The following EYA4 variants were observed in gnomAD, a reference collection of about 807,000 sequenced individuals.
EYA4 encodes EYA transcriptional coactivator and phosphatase 4, also known as protein phosphatase EYA4.
A neutral mutation model predicts 87.9 loss-of-function variants in EYA4; 31 were observed. That is an observed-to-expected ratio of 0.35 (90% CI 0.27 to 0.48). The LOEUF (loss-of-function observed/expected upper bound fraction) is 0.48. Among genes scored for constraint, EYA4 ranks in the 20% least tolerant of loss-of-function variants. EYA4 has a pLI of 0.99. For synonymous variants in EYA4, 263 were observed against 270.6 expected (o/e 0.97, Z 0.28); for missense variants, 678 against 761.4 (o/e 0.89, Z 1.29).
At chr6:133,265,964 A>T (rs1487391341) in intron 1 of EYA4, among the ~76,000 whole-genome samples, 3 of 152,216 alleles carry the variant, frequency 2.0e-5, no homozygotes, top group Non-Finnish European at 2.9e-5. Flanking sequence ...GACAATCAGT[A>T]TCTTTAATTT....
chr6:133,401,696 A>T (rs981349304), intron 3 of EYA4, among the ~76,000 whole-genome samples: 1 of 152,150 alleles, frequency 6.6e-6, no homozygotes, highest in Non-Finnish European at 1.5e-5. Flanking sequence ...TTTCTTGATG[A>T]CTAAATTAGA....
chr6:133,406,249 A>G (rs950987326), intron 3 of EYA4, among the ~76,000 whole-genome samples: 52 of 152,214 alleles, frequency 3.4e-4, no homozygotes, highest in Admixed American at 6.5e-5. Flanking sequence ...TTACGAAATA[A>G]TCAGAGATAA....
intron 13 of EYA4, among the ~76,000 whole-genome samples, chr6:133,493,600 C>T (rs182230064): frequency 8.0e-4 from 122 of 152,188 alleles, no homozygotes; most frequent in African/African-American, 2.8e-3. Context: ...AAATGGGAGG[C>T]ATCAAGTTAA....
In EYA4 at chr6:133,532,056, G is replaced by A. The variant is rs1282960773; in HGVS notation, c.*3251G>A. 8 of 152,266 alleles carry A rather than the reference G, an allele frequency of 5.3e-5. No homozygotes were observed. Among genetic ancestry groups the A allele is most frequent in the Admixed American group, 3.3e-4 (5 of 15,292 alleles). 9.4% of individuals were successfully genotyped at this position (152,266 alleles called of 1,614,324 possible). ...AAATGTAAATTAATATTAAAAGCTT[G>A]TAAAAATATGTATATCTTTACTATT... is the stretch of plus-strand genomic sequence containing the variant. On this transcript the variant is annotated 3_prime_UTR_variant, in exon 20 of 20. Coordinates refer to ENST00000355286, the MANE Select transcript of EYA4 (RefSeq NM_004100.5).
intron 3 of EYA4, among the ~76,000 whole-genome samples, chr6:133,420,625 A>G (rs1790138935): frequency 6.6e-6 from 1 of 152,216 alleles, no homozygotes; most frequent in Non-Finnish European, 1.5e-5. Context: ...ACCTTTGCTT[A>G]TATTATAACA....
intron 3 of EYA4, among the ~76,000 whole-genome samples, chr6:133,384,250 CT>C (rs1786506136): frequency 6.6e-6 from 1 of 152,044 alleles, no homozygotes; most frequent in South Asian, 2.1e-4. Flanking sequence ...TTAGGTCATT[CT>C]TTTTTATCTA....
At position 133,530,967 on chromosome 6, in the gene EYA4, T is replaced by G; in HGVS notation, c.*2162T>G. 7.9e-7 allele frequency: 1 copy of G among 1,261,232 alleles called. No homozygotes were observed. The highest frequency in any genetic ancestry group is 3.1e-5 in the East Asian group (1 of 32,400). 78.1% of individuals were successfully genotyped at this position (1,261,232 alleles called of 1,614,324 possible). ...TGTTGTGCACTAAAACCTTAAATATTTATTACTGTGAATAAAAACAAATTA... is the reference window on the plus strand; with the variant it reads ...TGTTGTGCACTAAAACCTTAAATATGTATTACTGTGAATAAAAACAAATTA... On this transcript the variant is annotated 3_prime_UTR_variant, in exon 20 of 20. Coordinates refer to ENST00000355286, the MANE Select transcript of EYA4 (RefSeq NM_004100.5).
chr6:133,434,533 C>T (rs996532212), intron 3 of EYA4, among the ~76,000 whole-genome samples: 3 of 152,060 alleles, frequency 2.0e-5, no homozygotes, highest in African/African-American at 7.2e-5. Context: ...TTATTATCTC[C>T]AATATTGAGA....
Position 133,344,933 on chromosome 6 carries a change from A to G in EYA4, c.34-37459A>G, listed in dbSNP as rs184072251. Among the ~76,000 whole-genome samples the G allele has an allele frequency of 3.3e-5, 5 of 152,298 alleles. No individual in the cohort carries two copies. In the East Asian group the frequency reaches 9.6e-4, roughly 29 times the overall value. ...TATTAGCTTATCTTCTAGAAATGCC[A>G]TTAATGCCTTGAGATTTTCTTCTCT... On this transcript the variant is annotated intron_variant, in intron 2 of 19. Transcript: ENST00000355286.
At chr6:133,367,005 T>C (rs1784901285) in intron 2 of EYA4, among the ~76,000 whole-genome samples, 1 of 152,216 alleles carries the variant, frequency 6.6e-6, no homozygotes, top group African/African-American at 2.4e-5. Flanking sequence ...GGAAGTTCTT[T>C]TAGTTAGTTT....
rs930075281 is a variant in EYA4, at chr6:133,404,030, T to C, written c.83+21589T>C. ...GGTTTCTCCATGTTGGTCAGGCTGG[T>C]CTCAAACTCCCGACCTCAGGTGATC... is the stretch of plus-strand genomic sequence containing the variant. On this transcript the variant is annotated intron_variant, in intron 3 of 19. Coordinates refer to ENST00000355286, the MANE Select transcript of EYA4 (RefSeq NM_004100.5). 3.9e-5 allele frequency among the ~76,000 whole-genome samples: 6 copies of C among 152,240 alleles called. 1 individual carries two copies. The East Asian group carries it at 7.7e-4, about 20-fold the overall frequency.
rs1463518651 is a variant in EYA4 at position 133,299,739 on chromosome 6, TAAAATAAAATAAAATA to T, written c.33+24930_33+24945del. Among the ~76,000 whole-genome samples the T allele has an allele frequency of 5.2e-5, 7 of 134,612 alleles. No homozygotes were observed. In the South Asian group the frequency reaches 1.0e-3, roughly 20 times the overall value. The allele number at this position is 134,612 out of a possible 152,430, so 88.3% of individuals were successfully genotyped here. A position where few individuals can be genotyped will look rare whatever the true frequency, so the allele number is the denominator to read the frequency against. The stretch of plus-strand genomic sequence containing the variant: ...AAAAATAAAATAAAATAAAATAAAA[TAAAATAAAATAAAATA>T]AAATAAAATAAAAACACTTAAAATC... On this transcript the variant is annotated intron_variant, in intron 2 of 19. Coordinates refer to ENST00000355286, the MANE Select transcript of EYA4 (RefSeq NM_004100.5).
chr6:133,468,916 A>G (rs1438850698), intron 11 of EYA4, among the ~76,000 whole-genome samples, 185 bp downstream of exon 11: 2 of 152,082 alleles, frequency 1.3e-5, no homozygotes, highest in African/African-American at 2.4e-5. Context: ...TCTTTTAGAT[A>G]TGGGACAGAT....
At chr6:133,371,308 G>A (rs748125583) in intron 2 of EYA4, among the ~76,000 whole-genome samples, 3 of 152,114 alleles carry the variant, frequency 2.0e-5, no homozygotes, top group Admixed American at 6.6e-5. Flanking sequence ...CAGCCAATAA[G>A]TTTTCCCGTT....
intron 3 of EYA4, among the ~76,000 whole-genome samples, chr6:133,422,738 A>G (rs942677052): frequency 6.6e-6 from 1 of 152,364 alleles, no homozygotes; most frequent in African/African-American, 2.4e-5. Flanking sequence ...AGATTTCAAT[A>G]AAAATTAATA....
At chr6:133,369,830 T>G (rs1224714552) in intron 2 of EYA4, among the ~76,000 whole-genome samples, 1 of 152,242 alleles carries the variant, frequency 6.6e-6, no homozygotes, top group Non-Finnish European at 1.5e-5. Context: ...TGTATCACCA[T>G]GACAGCAGGT....
chr6:133,271,600 C>T (rs1440758774), intron 1 of EYA4, among the ~76,000 whole-genome samples: 1 of 152,150 alleles, frequency 6.6e-6, no homozygotes, highest in African/African-American at 2.4e-5. Flanking sequence ...GGCTGATCAC[C>T]CCGAGGAATG....
intron 13 of EYA4, among the ~76,000 whole-genome samples, chr6:133,489,773 A>G (rs111357967): frequency 0.094 from 14,244 of 152,192 alleles, 1,322 homozygotes; most frequent in African/African-American, 0.22. Context: ...GAGTTCTTCA[A>G]TCTGAAAGAA....
intron 4 of EYA4, among the ~76,000 whole-genome samples, chr6:133,447,054 G>A (rs1792918543): frequency 6.6e-6 from 1 of 152,092 alleles, no homozygotes; most frequent in Non-Finnish European, 1.5e-5. Context: ...TAGAAATTGA[G>A]GTCAAAGGAT....
Sources: gnomAD v4.1 joint callset for allele counts (sites outside exome capture counted in the v4.1 genomes callset) on GRCh38, gnomAD v4.1.1 for gene constraint, MANE v1.5 for transcripts, NCBI Gene and HGNC (gene_info 2026-07-23, HGNC 2026-07-21) for gene names.